COL19A1: variants seen among roughly 807,000 people sequenced by gnomAD.
The protein encoded by COL19A1 is collagen type XIX alpha 1 chain.
A neutral mutation model predicts 190.2 loss-of-function variants in COL19A1; 159 were observed. The ratio of observed to expected loss-of-function variants is 0.84; its 90% confidence interval spans 0.73 to 0.95. The LOEUF (loss-of-function observed/expected upper bound fraction) is 0.95. Ranked by LOEUF, COL19A1 falls within the 40% of genes least tolerant of loss-of-function variation. The pLI is 0.00. For synonymous variants in COL19A1, 509 were observed against 458.9 expected, an observed-to-expected ratio of 1.11 and a Z score of -1.39; for missense variants, 1,418 against 1,431.9, an observed-to-expected ratio of 0.99 and a Z score of 0.16.
chr6:69,902,909 C>A (rs980453603), intron 4 of COL19A1, among the ~76,000 whole-genome samples: 1 of 152,110 alleles, frequency 6.6e-6, no homozygotes, highest in African/African-American at 2.4e-5. Context: ...TGTTATTGTT[C>A]CCCTACTTTT....
intron 14 of COL19A1, among the ~76,000 whole-genome samples, chr6:70,066,125 T>C (rs1444755342): frequency 6.6e-6 from 1 of 152,202 alleles, no homozygotes; most frequent in African/African-American, 2.4e-5. Context: ...ATATAATTCA[T>C]GCTGCTATAA....
intron 41 of COL19A1, 141 bp from the exon 42 acceptor site, chr6:70,176,379 C>A: frequency 1.5e-6 from 1 of 685,626 alleles, no homozygotes; most frequent in Non-Finnish European, 2.3e-6. Flanking sequence ...TACACACTAG[C>A]TTCACCCCAT....
chr6:70,113,552 A>G (rs1241297113), intron 16 of COL19A1, among the ~76,000 whole-genome samples: 2 of 152,006 alleles, frequency 1.3e-5, no homozygotes, highest in Non-Finnish European at 2.9e-5. Context: ...TCCTTTGACT[A>G]TATTTATTTT....
intron 49 of COL19A1, among the ~76,000 whole-genome samples, chr6:70,200,704 TC>T (rs1767493698): frequency 6.6e-6 from 1 of 152,228 alleles, no homozygotes; most frequent in African/African-American, 2.4e-5. Flanking sequence ...ATATTGAGCC[TC>T]ATTTTCTGAA....
intron 27 of COL19A1, among the ~76,000 whole-genome samples, chr6:70,148,791 G>C (rs2150243698): frequency 6.6e-6 from 1 of 152,220 alleles, no homozygotes; most frequent in South Asian, 2.1e-4. Context: ...GCCAAACGTG[G>C]TGGTGGGTGC....
chr6:69,926,861 C>A (rs1772433158), intron 4 of COL19A1, among the ~76,000 whole-genome samples: 1 of 152,044 alleles, frequency 6.6e-6, no homozygotes, highest in Non-Finnish European at 1.5e-5. Context: ...ATTTTTACAG[C>A]AGCAAGAGAG....
At chr6:70,186,970 C>T (rs78636493) in intron 46 of COL19A1, among the ~76,000 whole-genome samples, 2 of 152,226 alleles carry the variant, frequency 1.3e-5, no homozygotes, top group Admixed American at 6.5e-5. Flanking sequence ...CTCCGCCTCC[C>T]GGGTTCAAGC....
chr6:70,032,338 G>C (rs984026721), intron 12 of COL19A1, among the ~76,000 whole-genome samples: 6 of 152,148 alleles, frequency 3.9e-5, no homozygotes, highest in Non-Finnish European at 7.4e-5. Context: ...CATGGTCCAG[G>C]TCTAGCTGAG....
chr6:70,008,829 C>A (rs1458497112), intron 11 of COL19A1, among the ~76,000 whole-genome samples: 1 of 151,748 alleles, frequency 6.6e-6, no homozygotes, highest in East Asian at 1.9e-4. Context: ...AATCCAATAA[C>A]ATATAGAAAC....
intron 11 of COL19A1, among the ~76,000 whole-genome samples, chr6:69,981,969 G>A (rs1776057540): frequency 6.6e-6 from 1 of 152,120 alleles, no homozygotes; most frequent in African/African-American, 2.4e-5. Flanking sequence ...CAGCAAAGTA[G>A]CTGCTACAAT....
chr6:70,023,648 G>A lies in COL19A1; in HGVS notation c.1048G>A (p.Asp350Asn). 1 of 1,610,870 alleles carries A rather than the reference G, an allele frequency of 6.2e-7. No homozygotes were observed. Among genetic ancestry groups the A allele is most frequent in the Non-Finnish European group, 8.5e-7 (1 of 1,179,218 alleles). Residue 350 changes from aspartate to asparagine, a missense_variant, in exon 12 of 51, where the codon GAT becomes AAT. Transcript: ENST00000620364. The stretch of plus-strand genomic sequence containing the variant: ...TTAGGGTGAACAAGGAGAAAAAGGA[G>A]ATCCAGCTCTGGCTGGCCTTAATGG... ...GEKGEQGEKGDPALAGLNGEN... is the reference protein window; with the variant it reads ...GEKGEQGEKGNPALAGLNGEN...
chr6:70,033,332 G>A (rs1395240085), intron 12 of COL19A1, among the ~76,000 whole-genome samples: 1 of 152,092 alleles, frequency 6.6e-6, no homozygotes, highest in Non-Finnish European at 1.5e-5. Context: ...GGGTCTTTCA[G>A]CTAGGAACAG....
intron 9 of COL19A1, among the ~76,000 whole-genome samples, chr6:69,954,046 G>T (rs1157929150): frequency 6.6e-6 from 1 of 151,976 alleles, no homozygotes; most frequent in Non-Finnish European, 1.5e-5. Flanking sequence ...CCGGTGTAAG[G>T]TATTGAATGA....
chr6:70,162,467 C>A (rs1787870300), intron 35 of COL19A1, among the ~76,000 whole-genome samples: 1 of 152,160 alleles, frequency 6.6e-6, no homozygotes, highest in Non-Finnish European at 1.5e-5. Context: ...TTTCCTAGAA[C>A]AGAATCTCTT....
At chr6:70,010,446 T>C (rs891573985) in intron 11 of COL19A1, among the ~76,000 whole-genome samples, 1 of 145,550 alleles carries the variant, frequency 6.9e-6, no homozygotes, top group Non-Finnish European at 1.5e-5. Context: ...CCATCTGAGG[T>C]ACCGGGTTCA....
chr6:69,943,534 T>G, intron 9 of COL19A1, among the ~76,000 whole-genome samples: 1 of 152,154 alleles, frequency 6.6e-6, no homozygotes, highest in East Asian at 1.9e-4. Flanking sequence ...AGATTCATAG[T>G]TTTGGGCTCT....
At chr6:70,168,103 C>A (rs763145303) in intron 38 of COL19A1, 28 bp downstream of exon 38, 18 of 1,586,654 alleles carry the variant, frequency 1.1e-5, no homozygotes, top group Admixed American at 1.7e-5. Context: ...TATTTAAAAT[C>A]CAGTTATAGA....
intron 2 of COL19A1, among the ~76,000 whole-genome samples, chr6:69,888,538 C>T (rs1769102022): frequency 6.6e-6 from 1 of 151,954 alleles, no homozygotes; most frequent in South Asian, 2.1e-4. Flanking sequence ...CACCTGTAAT[C>T]CCATCACTTT....
intron 48 of COL19A1, among the ~76,000 whole-genome samples, chr6:70,195,136 G>GAGATAT (rs1554226200): frequency 7.4e-6 from 1 of 136,030 alleles, no homozygotes; most frequent in African/African-American, 2.7e-5. Flanking sequence ...CATCATTGAT[G>GAGATAT]ATATATATAT....
Sources: gnomAD v4.1 joint callset for allele counts (sites outside exome capture counted in the v4.1 genomes callset) on GRCh38, gnomAD v4.1.1 for gene constraint, MANE v1.5 for transcripts, NCBI Gene and HGNC (gene_info 2026-07-23, HGNC 2026-07-21) for gene names.